DEPDC5: variants seen among roughly 807,000 people sequenced by gnomAD.
The protein encoded by DEPDC5 is GATOR1 complex protein DEPDC5.
Under a neutral mutation model 217.3 loss-of-function variants are expected in DEPDC5, and 73 were observed. That is an observed-to-expected ratio of 0.34 (90% CI 0.28 to 0.41). The LOEUF is 0.41. Ranked by LOEUF, DEPDC5 falls within the 10% of genes least tolerant of loss-of-function variation. The pLI, the probability that DEPDC5 is intolerant of heterozygous loss-of-function variation, is 1.00. For synonymous variants in DEPDC5, 733 were observed against 756.7 expected, an observed-to-expected ratio of 0.97 and a Z score of 0.51; for missense variants, 1,675 against 2,070.1, an observed-to-expected ratio of 0.81 and a Z score of 3.70.
At position 31,815,072 on chromosome 22, in the gene DEPDC5, G is replaced by A. The variant is rs372489331; in HGVS notation, c.1526G>A (p.Arg509His). The part of the protein sequence containing the change: ...DVSSSPSLPS[R>H]TLPTEEVRSQ... ...TCATCCAGCCCTTCCCTACCAAGCCGCACACTGCCCACTGAGGAAGTGAGG... is the reference window on the plus strand; with the variant it reads ...TCATCCAGCCCTTCCCTACCAAGCCACACACTGCCCACTGAGGAAGTGAGG... The change falls in exon 21 of 43, where the codon CGC becomes CAC. Residue 509 changes from arginine to histidine, a missense_variant. Arg to His is a conservative substitution (Grantham distance 29). Transcript: ENST00000651528. 3.3e-5 allele frequency: 53 copies of A among 1,614,024 alleles called. No homozygotes were observed. The highest frequency in any genetic ancestry group is 3.7e-5 in the Non-Finnish European group (44 of 1,180,040).
intron 7 of DEPDC5, among the ~76,000 whole-genome samples, chr22:31,770,071 G>GA (rs759866602): frequency 0.028 from 2,977 of 106,396 alleles, 38 homozygotes; most frequent in South Asian, 0.058. Flanking sequence ...AAAAAAAAGA[G>GA]AAAAAAAAAA....
At chr22:31,799,569 G>A (rs1226944839) in intron 14 of DEPDC5, among the ~76,000 whole-genome samples, 5 of 143,474 alleles carry the variant, frequency 3.5e-5, no homozygotes, top group Admixed American at 1.4e-4. Flanking sequence ...TGCAACCTCC[G>A]CCTCCCAGGT....
intron 21 of DEPDC5, among the ~76,000 whole-genome samples, chr22:31,818,745 AG>A: frequency 6.6e-6 from 1 of 152,332 alleles, no homozygotes; most frequent in East Asian, 1.9e-4. Context: ...CTCAAAGTTC[AG>A]GATCTTCAGG....
At chr22:31,861,312 C>G (rs1018642190) in intron 32 of DEPDC5, 56 bp from the exon 33 acceptor site, 8 of 1,514,144 alleles carry the variant, frequency 5.3e-6, no homozygotes, top group South Asian at 1.2e-5. Flanking sequence ...GGTACACATT[C>G]CGTTTCTTCG....
chr22:31,779,560 T>C (rs2084215064), intron 8 of DEPDC5, among the ~76,000 whole-genome samples: 1 of 152,192 alleles, frequency 6.6e-6, no homozygotes. Context: ...AGAACCAGTT[T>C]AGAGTGTTTC....
chr22:31,900,632 G>A (rs62238934), intron 40 of DEPDC5, among the ~76,000 whole-genome samples: 16,503 of 152,108 alleles, frequency 0.11, 952 homozygotes, highest in Admixed American at 0.14. Flanking sequence ...CCAGCTACTC[G>A]GGAGGCTGAG....
chr22:31,765,424 GGA>G lies in DEPDC5; in HGVS notation c.279+365_279+366del, dbSNP rs2082727700. On this transcript the variant is annotated intron_variant, in intron 5 of 42. Transcript: ENST00000651528. The stretch of plus-strand genomic sequence containing the variant: ...CCTGCCTCAGCCTCCTGAGTAGCTA[GGA>G]TTACAGGCCTGCACCACCGCACCCA... 2.0e-5 allele frequency among the ~76,000 whole-genome samples: 3 copies of G among 152,106 alleles called. No individual in the cohort carries two copies. In the East Asian group the frequency reaches 5.8e-4, roughly 29 times the overall value.
intron 38 of DEPDC5, among the ~76,000 whole-genome samples, chr22:31,885,863 G>A (rs1350745734): frequency 1.4e-4 from 21 of 150,856 alleles, no homozygotes; most frequent in Non-Finnish European, 2.5e-4. Context: ...GTGAAACCCC[G>A]TCTCTACTAA....
intron 37 of DEPDC5, among the ~76,000 whole-genome samples, chr22:31,877,856 A>C (rs2093048716): frequency 6.6e-6 from 1 of 151,524 alleles, no homozygotes; most frequent in Admixed American, 6.6e-5. Flanking sequence ...AGTGACTCCT[A>C]TCCTGCAGAC....
chr22:31,857,432 T>C lies in DEPDC5; in HGVS notation c.3156-13T>C, dbSNP rs1440419530. ...CTGAGCAAGCTGCTGTCATGTGCTT[T>C]TCCTCCTTTCAGGTGCCTGGGAGAA... On this transcript the variant is annotated splice_polypyrimidine_tract_variant and intron_variant, in intron 31 of 42. Coordinates refer to ENST00000651528, the MANE Select transcript of DEPDC5 (RefSeq NM_001242896.3). 6.3e-7 allele frequency: 1 copy of C among 1,588,500 alleles called. No individual in the cohort carries two copies. The highest frequency in any genetic ancestry group is 8.6e-7 in the Non-Finnish European group (1 of 1,166,862).
intron 25 of DEPDC5, 121 bp from the exon 26 acceptor site, chr22:31,836,851 T>C: frequency 2.2e-6 from 2 of 908,194 alleles, no homozygotes; most frequent in Non-Finnish European, 3.4e-6. Flanking sequence ...TCCTGGCAAT[T>C]TTACCATCTT....
At chr22:31,889,396 A>G (rs1226302836) in intron 38 of DEPDC5, among the ~76,000 whole-genome samples, 1 of 152,234 alleles carries the variant, frequency 6.6e-6, no homozygotes, top group African/African-American at 2.4e-5. Context: ...GGCCCAGGCC[A>G]GCATGTTCTG....
At chr22:31,755,196 G>T in intron 2 of DEPDC5, 2 of 504,526 alleles carry the variant, frequency 4.0e-6, no homozygotes, top group Non-Finnish European at 7.0e-6. Flanking sequence ...GAATGCTGCC[G>T]GTTTACTACC....
intron 2 of DEPDC5, among the ~76,000 whole-genome samples, chr22:31,757,707 C>A (rs1274727351): frequency 1.3e-5 from 2 of 152,166 alleles, no homozygotes; most frequent in African/African-American, 2.4e-5. Context: ...ATAGAGTTCT[C>A]CCCATCCCTA....
Position 31,848,718 on chromosome 22 carries a change from C to G in DEPDC5, c.3155+1751C>G, listed in dbSNP as rs541957190. 7.2e-5 allele frequency among the ~76,000 whole-genome samples: 11 copies of G among 152,296 alleles called. No homozygotes were observed. The East Asian group carries it at 1.9e-3, about 27-fold the overall frequency. On this transcript the variant is annotated intron_variant, in intron 31 of 42. Transcript: ENST00000651528. ...TGTCTTGGTGATTAACATTAAGCTC[C>G]TCCTTACTTATGCAAATTTCTGCAG...
chr22:31,811,944 G>A (rs2088404241), intron 20 of DEPDC5, among the ~76,000 whole-genome samples: 1 of 151,912 alleles, frequency 6.6e-6, no homozygotes, highest in Admixed American at 6.6e-5. Flanking sequence ...TTACAGATGT[G>A]TATTTCATAT....
chr22:31,794,788 A>G (rs1313759552), intron 12 of DEPDC5, among the ~76,000 whole-genome samples: 2 of 152,062 alleles, frequency 1.3e-5, no homozygotes, highest in East Asian at 3.9e-4. Context: ...TGGGAGGCTG[A>G]GGTGGGAGGA....
intron 3 of DEPDC5, 143 bp downstream of exon 3, chr22:31,758,776 G>A: frequency 2.5e-6 from 2 of 795,944 alleles, no homozygotes; most frequent in East Asian, 2.6e-5. Flanking sequence ...AGGCTGAGGT[G>A]GGTAGGTCAT....
chr22:31,893,452 A>G, intron 38 of DEPDC5, 130 bp from the exon 39 acceptor site: 1 of 837,532 alleles, frequency 1.2e-6, no homozygotes. Flanking sequence ...ATTTCCAGGA[A>G]ACTTCTGGAA....
Sources: allele counts gnomAD v4.1 joint callset (sites outside exome capture counted in the v4.1 genomes callset), GRCh38; gene constraint gnomAD v4.1.1; transcripts MANE v1.5; gene names NCBI Gene and HGNC (gene_info 2026-07-23, HGNC 2026-07-21).